FOXP2: variants seen among roughly 807,000 people sequenced by gnomAD.
FOXP2 encodes forkhead box protein P2.
A neutral mutation model predicts 115.8 loss-of-function variants in FOXP2; 12 were observed. The ratio of observed to expected loss-of-function variants is 0.10; its 90% CI spans 0.07 to 0.17. The LOEUF (loss-of-function observed/expected upper bound fraction) is 0.17. Ranked by LOEUF, FOXP2 falls within the 10% of genes least tolerant of loss-of-function variation. FOXP2 has a pLI of 1.00. For missense variants in FOXP2, 629 were observed against 843.5 expected (o/e 0.75, Z 3.15); for synonymous variants, 328 against 297.7 (o/e 1.10, Z -1.05).
At chr7:114,249,367 C>G (rs537327012) in intron 1 of FOXP2, among the ~76,000 whole-genome samples, 152 of 152,184 alleles carry the variant, frequency 1.0e-3, no homozygotes, top group Non-Finnish European at 1.9e-3. Context: ...CTCCTTCCCC[C>G]CCGTTCCCCC....
intron 16 of FOXP2, among the ~76,000 whole-genome samples, chr7:114,688,621 T>C (rs1210254512): frequency 1.3e-5 from 2 of 152,132 alleles, no homozygotes; most frequent in Non-Finnish European, 2.9e-5. Flanking sequence ...TTTCCTTGAG[T>C]AGGGCCTGGA....
intron 1 of FOXP2, among the ~76,000 whole-genome samples, chr7:114,100,876 T>G (rs1184280342): frequency 6.6e-6 from 1 of 152,168 alleles, no homozygotes; most frequent in African/African-American, 2.4e-5. Flanking sequence ...CATAATCTCT[T>G]TATAAGAATG....
rs1219674300 is a variant in FOXP2, at chr7:114,692,263, C to T, written c.*2337C>T. 1 of 453,926 alleles carries T rather than the reference C, an allele frequency of 2.2e-6. No individual in the cohort carries two copies. The highest frequency in any genetic ancestry group is 2.4e-5 in the Admixed American group (1 of 42,528). 28.1% of individuals were successfully genotyped at this position (453,926 alleles called of 1,614,324 possible). On this transcript the variant is annotated 3_prime_UTR_variant, in exon 17 of 17. Transcript: ENST00000350908. ...AGACTACAATGCTAAAGTATGCATA[C>T]CTCAGTTAGAAAACTTTTGAAAGGA...
intron 3 of FOXP2, among the ~76,000 whole-genome samples, chr7:114,589,638 A>T (rs1257174126): frequency 6.6e-6 from 1 of 152,156 alleles, no homozygotes; most frequent in Non-Finnish European, 1.5e-5. Context: ...GGCAAAAGCC[A>T]TTTCTGTGAG....
At chr7:114,685,548 G>A (rs1408142527) in intron 16 of FOXP2, among the ~76,000 whole-genome samples, 1 of 152,114 alleles carries the variant, frequency 6.6e-6, no homozygotes, top group Non-Finnish European at 1.5e-5. Context: ...TTACCCCACA[G>A]TGTGCAATAA....
intron 2 of FOXP2, among the ~76,000 whole-genome samples, chr7:114,292,434 T>C (rs1325376780): frequency 3.3e-5 from 5 of 151,970 alleles, no homozygotes; most frequent in African/African-American, 1.2e-4. Context: ...ACCAGACTAA[T>C]TACAGCCTAG....
intron 2 of FOXP2, among the ~76,000 whole-genome samples, chr7:114,451,488 C>A (rs1006584752): frequency 1.3e-5 from 2 of 151,988 alleles, no homozygotes; most frequent in African/African-American, 4.8e-5. Context: ...CTTCCTGGGG[C>A]ACACACACTC....
chr7:114,291,615 T>C (rs75208220), intron 2 of FOXP2, among the ~76,000 whole-genome samples: 6,213 of 151,658 alleles, frequency 0.041, 314 homozygotes, highest in African/African-American at 0.12. Flanking sequence ...TCAGCCAGGT[T>C]GCATTTTCAT....
chr7:114,539,006 A>G (rs1799525146), intron 3 of FOXP2, among the ~76,000 whole-genome samples: 1 of 151,920 alleles, frequency 6.6e-6, no homozygotes, highest in Non-Finnish European at 1.5e-5. Flanking sequence ...TATTTAACCA[A>G]TGTATTTACT....
chr7:114,112,088 A>G (rs574469514), intron 1 of FOXP2, among the ~76,000 whole-genome samples: 2 of 152,180 alleles, frequency 1.3e-5, no homozygotes, highest in South Asian at 4.1e-4. Context: ...GGCGTAATGC[A>G]ATTATACTTT....
At chr7:114,334,928 A>AATATATAT (rs1425036052) in intron 2 of FOXP2, among the ~76,000 whole-genome samples, 77 of 111,818 alleles carry the variant, frequency 6.9e-4, no homozygotes, top group African/African-American at 2.5e-3. Flanking sequence ...TATATATAGA[A>AATATATAT]ATCTATATAT....
chr7:114,472,015 G>T (rs1427733863), intron 2 of FOXP2, among the ~76,000 whole-genome samples: 3 of 151,544 alleles, frequency 2.0e-5, no homozygotes, highest in Admixed American at 2.0e-4. Context: ...AGCCTAGGTT[G>T]TTGTACTCCA....
At chr7:114,232,429 AT>A (rs1794903745) in intron 1 of FOXP2, among the ~76,000 whole-genome samples, 1 of 152,236 alleles carries the variant, frequency 6.6e-6, no homozygotes, top group Non-Finnish European at 1.5e-5. Context: ...TCATTGTAAC[AT>A]TATTCACAAT....
intron 2 of FOXP2, among the ~76,000 whole-genome samples, chr7:114,530,965 T>A (rs1451081402): frequency 6.6e-6 from 1 of 151,910 alleles, no homozygotes; most frequent in Non-Finnish European, 1.5e-5. Context: ...TCAAATTTTT[T>A]AATTTAACCT....
At chr7:114,396,860 C>T (rs562531863) in intron 2 of FOXP2, among the ~76,000 whole-genome samples, 25 of 152,024 alleles carry the variant, frequency 1.6e-4, no homozygotes, top group African/African-American at 4.8e-4. Context: ...AAAATGATAA[C>T]GATGTGAGGT....
At chr7:114,158,869 A>T (rs962280319), upstream of FOXP2, among the ~76,000 whole-genome samples, 2 of 152,100 alleles carry the variant, frequency 1.3e-5, no homozygotes, top group African/African-American at 4.8e-5. Flanking sequence ...CCTTGGTCTG[A>T]GAGCAATCCT....
At chr7:114,315,673 G>T (rs139943646) in intron 2 of FOXP2, among the ~76,000 whole-genome samples, 1 of 151,628 alleles carries the variant, frequency 6.6e-6, no homozygotes, top group Admixed American at 6.6e-5. Flanking sequence ...GTTACTTGCC[G>T]TAATTATGTT....
intron 8 of FOXP2, among the ~76,000 whole-genome samples, chr7:114,646,634 A>T (rs1455081990): frequency 2.0e-5 from 3 of 151,928 alleles, no homozygotes; most frequent in African/African-American, 7.2e-5. Flanking sequence ...GTCCATTTTT[A>T]TTTTGATATG....
intron 1 of FOXP2, among the ~76,000 whole-genome samples, chr7:114,119,437 T>A (rs1791499116): frequency 6.6e-6 from 1 of 152,162 alleles, no homozygotes; most frequent in Non-Finnish European, 1.5e-5. Context: ...GTAGTCTTAT[T>A]GTAGTTACAA....
Sources: allele counts gnomAD v4.1 joint callset (sites outside exome capture counted in the v4.1 genomes callset), GRCh38; gene constraint gnomAD v4.1.1; transcripts MANE v1.5; gene names NCBI Gene and HGNC (gene_info 2026-07-23, HGNC 2026-07-21).